PCLO: variants seen among roughly 807,000 people sequenced by gnomAD.
PCLO encodes protein piccolo.
In PCLO, 82 loss-of-function variants were observed where a neutral mutation model predicts 427.5. The observed-to-expected ratio is 0.19, with a 90% CI of 0.16 to 0.23. The LOEUF is 0.23. PCLO is among the 10% of genes least tolerant of loss of function. The probability of loss-of-function intolerance (pLI) is 1.00; values close to 1 mark genes in which losing one functional copy is unlikely to be tolerated. For synonymous variants in PCLO, 2,357 were observed against 2,155.4 expected (o/e 1.09, Z -2.59); for missense variants, 6,239 against 6,115.9 (o/e 1.02, Z -0.67).
At position 83,096,978 on chromosome 7, in the gene PCLO, ATTATATAAATAAT is replaced by A. The variant is rs1302415189; in HGVS notation, c.3300+37259_3300+37271del. 2.3e-3 allele frequency among the ~76,000 whole-genome samples: 100 copies of A among 43,594 alleles called. 10 individuals carry two copies. The highest frequency in any genetic ancestry group is 7.8e-3 in the African/African-American group (43 of 5,522). 28.6% of individuals were successfully genotyped at this position (43,594 alleles called of 152,430 possible). A position where few individuals can be genotyped will look rare whatever the true frequency, so the allele number is the denominator to read the frequency against. On this transcript the variant is annotated intron_variant, in intron 3 of 24. Transcript: ENST00000333891. The stretch of plus-strand genomic sequence containing the variant: ...AATAATATAATATAATATATTATAT[ATTATATAAATAAT>A]ATATATTATATAAATAATATATATT...
At chr7:82,845,677 G>A (rs1792483300) in intron 12 of PCLO, among the ~76,000 whole-genome samples, 192 bp from the exon 13 acceptor site, 1 of 152,126 alleles carries the variant, frequency 6.6e-6, no homozygotes, top group Admixed American at 6.6e-5. Context: ...TGAGAAGAGT[G>A]ACATAATGCT....
intron 9 of PCLO, among the ~76,000 whole-genome samples, chr7:82,881,996 T>C (rs1295595153): frequency 1.3e-5 from 2 of 152,082 alleles, no homozygotes; most frequent in Non-Finnish European, 2.9e-5. Flanking sequence ...CAAGAAATTT[T>C]TGAAGAATAG....
At chr7:83,078,225 G>A (rs947500708) in intron 3 of PCLO, among the ~76,000 whole-genome samples, 2 of 151,868 alleles carry the variant, frequency 1.3e-5, no homozygotes, top group African/African-American at 4.8e-5. Context: ...CAAAATGAAG[G>A]CATTTAGCAA....
chr7:82,822,533 G>GCAGCTATGGCAGCCCCTGCAT lies in PCLO; in HGVS notation c.14732_14752dup (p.Asp4911_Ala4917dup). On this transcript the variant is annotated inframe_insertion, in exon 20 of 25. Coordinates refer to ENST00000333891, the MANE Select transcript of PCLO (RefSeq NM_033026.6). ...GAGTTGTTGCACGGCAGCTTCGGCA[G>GCAGCTATGGCAGCCCCTGCAT]CAGCTATGGCAGCCCCTGCATCTTC... The GCAGCTATGGCAGCCCCTGCAT allele has an allele frequency of 6.2e-7, 1 of 1,613,902 alleles. No homozygotes were observed. Among genetic ancestry groups the GCAGCTATGGCAGCCCCTGCAT allele is most frequent in the South Asian group, 1.1e-5 (1 of 91,084 alleles).
At chr7:82,809,640 A>G (rs1018573956) in intron 20 of PCLO, among the ~76,000 whole-genome samples, 2 of 148,804 alleles carry the variant, frequency 1.3e-5, no homozygotes, top group Admixed American at 6.8e-5. Flanking sequence ...CTTTCCTTTA[A>G]CCAATCAAAA....
intron 3 of PCLO, among the ~76,000 whole-genome samples, chr7:83,039,960 T>C (rs552223925): frequency 2.6e-5 from 4 of 152,262 alleles, no homozygotes; most frequent in African/African-American, 9.6e-5. Flanking sequence ...ATTTCCTTTT[T>C]TGCATTGTTC....
rs1562888594 is a variant in PCLO, at chr7:82,965,929, C to G, written c.3859G>C (p.Glu1287Gln). ...EGRVAPKTVQ[E>Q]GKQPQTKMEG... ...ATCTTGGTCTGTGGTTGTTTCCCTTCTTGCACTGTCTTTGGAGCCACTCTG... is the reference window on the plus strand; with the variant it reads ...ATCTTGGTCTGTGGTTGTTTCCCTTGTTGCACTGTCTTTGGAGCCACTCTG... The change falls in exon 4 of 25, where the codon GAA (glutamate) becomes CAA (glutamine). Residue 1287 changes from glutamate (E) to glutamine (Q), a missense_variant. This residue lies in a region of PCLO where 4,677 missense variants were observed against 4,468.4 expected (regional missense o/e 1.05). Coordinates refer to ENST00000333891, the MANE Select transcript of PCLO (RefSeq NM_033026.6). 2 of 1,613,954 alleles carry G rather than the reference C, an allele frequency of 1.2e-6. No individual in the cohort carries two copies. Among genetic ancestry groups the G allele is most frequent in the Non-Finnish European group, 1.7e-6 (2 of 1,179,876 alleles).
At chr7:83,156,421 T>A (rs772821549) in intron 1 of PCLO, 29 bp from the exon 2 acceptor site, 9 of 991,906 alleles carry the variant, frequency 9.1e-6, no homozygotes, top group Admixed American at 5.4e-5. Flanking sequence ...AAAAAAAAAA[T>A]CAAGTGAAAA....
chr7:82,848,040 T>C (rs1398380150), intron 10 of PCLO, among the ~76,000 whole-genome samples: 1 of 152,062 alleles, frequency 6.6e-6, no homozygotes, highest in Non-Finnish European at 1.5e-5. Context: ...TCTAGAAAGA[T>C]AATTTCATAG....
At chr7:83,012,548 C>T (rs922655749) in intron 3 of PCLO, among the ~76,000 whole-genome samples, 4 of 138,874 alleles carry the variant, frequency 2.9e-5, no homozygotes, top group African/African-American at 1.1e-4. Context: ...ACCCAGGAGG[C>T]AGAGGTTGCG....
intron 3 of PCLO, among the ~76,000 whole-genome samples, chr7:83,077,242 G>A (rs561461486): frequency 6.6e-6 from 1 of 152,210 alleles, no homozygotes; most frequent in East Asian, 1.9e-4. Flanking sequence ...TCTTTGGTCT[G>A]TACTGCTCTA....
chr7:82,903,445 T>C (rs1423162435), intron 8 of PCLO, among the ~76,000 whole-genome samples: 1 of 152,010 alleles, frequency 6.6e-6, no homozygotes. Flanking sequence ...CTGTTGCAAA[T>C]CTGTGATTTC....
chr7:82,773,203 G>A lies in PCLO; in HGVS notation c.15008-11710C>T, dbSNP rs566903297. Among the ~76,000 whole-genome samples the A allele has an allele frequency of 2.0e-5, 3 of 152,236 alleles. No homozygotes were observed. In the East Asian group the frequency reaches 5.8e-4, roughly 29 times the overall value. On this transcript the variant is annotated intron_variant, in intron 22 of 24. Coordinates refer to ENST00000333891, the MANE Select transcript of PCLO (RefSeq NM_033026.6). ...TTAAACTCGGAATAACATTAGCATC[G>A]TCATATAACCCATTTAGAAAATAAA...
At chr7:82,796,678 A>G (rs1010883783) in intron 22 of PCLO, among the ~76,000 whole-genome samples, 1 of 151,096 alleles carries the variant, frequency 6.6e-6, no homozygotes, top group Non-Finnish European at 1.5e-5. Flanking sequence ...ATGGTTATTA[A>G]AGCCCCTTCT....
At chr7:82,921,143 A>G (rs1352991976) in intron 6 of PCLO, among the ~76,000 whole-genome samples, 1 of 151,922 alleles carries the variant, frequency 6.6e-6, no homozygotes, top group Non-Finnish European at 1.5e-5. Context: ...CTACCTCACC[A>G]TACTGCCCAA....
intron 3 of PCLO, among the ~76,000 whole-genome samples, chr7:82,995,117 G>A (rs147568969): frequency 7.9e-5 from 12 of 152,110 alleles, no homozygotes; most frequent in African/African-American, 2.9e-4. Flanking sequence ...ATATTTGGGA[G>A]TTACATTGAA....
rs778108792 is a variant in PCLO at position 82,794,459 on chromosome 7, C to CTTTTTTTTTTTTTTTTTTTTT, written c.15007+7038_15007+7058dup. On this transcript the variant is annotated intron_variant, in intron 22 of 24. Transcript: ENST00000333891. ...ACATGCTAGTTCATAAATTTTTTTT[C>CTTTTTTTTTTTTTTTTTTTTT]TTTTTTTTTTTTTTTTTTTTTTTTT... Among the ~76,000 whole-genome samples, 100 of 56,364 alleles carry CTTTTTTTTTTTTTTTTTTTTT rather than the reference C, an allele frequency of 1.8e-3. 38 individuals are homozygous for CTTTTTTTTTTTTTTTTTTTTT. The highest frequency in any genetic ancestry group is 3.2e-3 in the Non-Finnish European group (78 of 24,446). 37.0% of individuals were successfully genotyped at this position (56,364 alleles called of 152,430 possible). A position where few individuals can be genotyped will look rare whatever the true frequency, so the allele number is the denominator to read the frequency against.
rs146698774 is a variant in PCLO at position 83,159,721 on chromosome 7, A to G, written c.248+2624T>C. Reference sequence around the variant, plus strand: ...TTTCATAAATGGAACACAACAAACAATGACACTTGACAGTGCTGAGTCACA... The same window carrying G: ...TTTCATAAATGGAACACAACAAACAGTGACACTTGACAGTGCTGAGTCACA... On this transcript the variant is annotated intron_variant, in intron 1 of 24. Coordinates refer to ENST00000333891, the MANE Select transcript of PCLO (RefSeq NM_033026.6). Among the ~76,000 whole-genome samples, 368 of 152,136 alleles carry G rather than the reference A, an allele frequency of 2.4e-3. 5 individuals carry two copies. The highest frequency in any genetic ancestry group is 8.0e-3 in the African/African-American group (331 of 41,546).
chr7:82,765,758 C>T (rs1247937713), intron 22 of PCLO, among the ~76,000 whole-genome samples: 1 of 151,930 alleles, frequency 6.6e-6, no homozygotes, highest in Non-Finnish European at 1.5e-5. Flanking sequence ...TTTAAATAAT[C>T]ATAAACAAGT....
Sources: allele counts gnomAD v4.1 joint callset (sites outside exome capture counted in the v4.1 genomes callset), GRCh38; gene constraint gnomAD v4.1.1; regional missense constraint gnomAD v4.1.1; transcripts MANE v1.5; gene names NCBI Gene and HGNC (gene_info 2026-07-23, HGNC 2026-07-21).